EFNA5: variants seen among roughly 807,000 people sequenced by gnomAD.
EFNA5 encodes the protein ephrin A5, also known as ephrin-A5.
A neutral mutation model predicts 22.9 loss-of-function variants in EFNA5; 5 were observed. The ratio of observed to expected loss-of-function variants is 0.22; its 90% CI spans 0.11 to 0.46. The LOEUF (loss-of-function observed/expected upper bound fraction) is 0.46. Ranked by LOEUF, EFNA5 falls within the 20% of genes least tolerant of loss-of-function variation. The pLI is 0.99. For missense variants in EFNA5, 237 were observed against 293.3 expected, an observed-to-expected ratio of 0.81 and a Z score of 1.40; for synonymous variants, 113 against 112.2, an observed-to-expected ratio of 1.01 and a Z score of -0.04.
At chr5:107,552,486 G>T (rs1199123472) in intron 1 of EFNA5, among the ~76,000 whole-genome samples, 1 of 152,102 alleles carries the variant, frequency 6.6e-6, no homozygotes, top group Non-Finnish European at 1.5e-5. Context: ...GAAGAAAACT[G>T]GGAAGTGACA....
chr5:107,482,814 G>GTCTCTC (rs200778465), intron 1 of EFNA5, among the ~76,000 whole-genome samples: 1 of 73,226 alleles, frequency 1.4e-5, no homozygotes, highest in African/African-American at 4.0e-5. Context: ...CTCTCTCTCT[G>GTCTCTC]TCTCTCTCTC....
intron 4 of EFNA5, among the ~76,000 whole-genome samples, chr5:107,384,871 C>G (rs1458330795): frequency 6.7e-6 from 1 of 148,444 alleles, no homozygotes; most frequent in Non-Finnish European, 1.5e-5. Flanking sequence ...ATCTCAGCCT[C>G]TCAAATTGCT....
At chr5:107,535,831 T>C (rs1747918992) in intron 1 of EFNA5, among the ~76,000 whole-genome samples, 1 of 152,206 alleles carries the variant, frequency 6.6e-6, no homozygotes, top group Non-Finnish European at 1.5e-5. Context: ...TGATGGAACA[T>C]CAATACTGTG....
intron 1 of EFNA5, among the ~76,000 whole-genome samples, chr5:107,523,500 T>C (rs1747636404): frequency 6.6e-6 from 1 of 152,090 alleles, no homozygotes; most frequent in South Asian, 2.1e-4. Context: ...GGCCAGCAGG[T>C]GGAGAGCAGA....
intron 1 of EFNA5, among the ~76,000 whole-genome samples, chr5:107,523,600 T>C (rs1377845511): frequency 2.0e-5 from 3 of 152,224 alleles, no homozygotes; most frequent in African/African-American, 7.2e-5. Context: ...ACAACTTCAG[T>C]CTGTCCAAGA....
intron 2 of EFNA5, among the ~76,000 whole-genome samples, chr5:107,399,789 A>G (rs252812): frequency 0.84 from 128,031 of 152,190 alleles, 54,495 homozygotes; most frequent in African/African-American, 0.94. Flanking sequence ...TTTTTAAAGA[A>G]TCAAAACCAT....
chr5:107,506,210 T>C (rs980619323), intron 1 of EFNA5: 3 of 152,234 alleles, frequency 2.0e-5, no homozygotes, highest in African/African-American at 7.2e-5. Flanking sequence ...CAAGATATCT[T>C]GTACATATTC....
intron 1 of EFNA5, among the ~76,000 whole-genome samples, chr5:107,475,109 T>C (rs1455005121): frequency 6.6e-6 from 1 of 152,268 alleles, no homozygotes; most frequent in Non-Finnish European, 1.5e-5. Flanking sequence ...CTCAAGTTAC[T>C]ACTTGTGGCA....
At chr5:107,430,639 C>T (rs187557) in intron 1 of EFNA5, among the ~76,000 whole-genome samples, 113,798 of 151,978 alleles carry the variant, frequency 0.75, 44,097 homozygotes, top group Non-Finnish European at 0.84. Context: ...AACTGTGAGG[C>T]TGAAGACCCA....
chr5:107,546,782 G>A (rs1371581294), intron 1 of EFNA5, among the ~76,000 whole-genome samples: 1 of 151,850 alleles, frequency 6.6e-6, no homozygotes, highest in Non-Finnish European at 1.5e-5. Context: ...TCAACCAGCA[G>A]TTATTTTTAT....
chr5:107,532,811 A>G (rs1463970883), intron 1 of EFNA5, among the ~76,000 whole-genome samples: 1 of 152,226 alleles, frequency 6.6e-6, no homozygotes, highest in Non-Finnish European at 1.5e-5. Context: ...TTTTAAAAGA[A>G]CAGTCTAAAC....
chr5:107,632,579 T>C (rs959044417), intron 1 of EFNA5, among the ~76,000 whole-genome samples: 48 of 152,302 alleles, frequency 3.2e-4, no homozygotes, highest in Admixed American at 6.5e-4. Context: ...TGTTCTTCTC[T>C]TCATCTTTAT....
chr5:107,670,377 G>T (rs1751165636), intron 1 of EFNA5, 112 bp downstream of exon 1: 2 of 1,336,648 alleles, frequency 1.5e-6, no homozygotes, highest in African/African-American at 3.1e-5. Context: ...GGCGACGCAG[G>T]CTCCGAGGGT....
At chr5:107,517,894 A>C (rs1451664740) in intron 1 of EFNA5, among the ~76,000 whole-genome samples, 2 of 152,214 alleles carry the variant, frequency 1.3e-5, no homozygotes, top group Non-Finnish European at 2.9e-5. Context: ...GTCAGGGTCA[A>C]AGTAGAATTG....
chr5:107,624,180 G>A (rs1053681779), intron 1 of EFNA5, among the ~76,000 whole-genome samples: 1 of 152,000 alleles, frequency 6.6e-6, no homozygotes, highest in East Asian at 1.9e-4. Flanking sequence ...TAATTAAAAG[G>A]TAATATTAAC....
chr5:107,413,524 T>C (rs941875637), intron 2 of EFNA5, among the ~76,000 whole-genome samples: 3 of 152,188 alleles, frequency 2.0e-5, no homozygotes, highest in African/African-American at 4.8e-5. Context: ...ACAGGAACTA[T>C]TCATTATTCA....
intron 1 of EFNA5, among the ~76,000 whole-genome samples, chr5:107,497,421 T>C (rs1747014759): frequency 6.6e-6 from 1 of 152,122 alleles, no homozygotes; most frequent in Non-Finnish European, 1.5e-5. Context: ...GGAGAAATAA[T>C]AGTCATGTAA....
At chr5:107,458,182 C>T (rs898449872) in intron 1 of EFNA5, among the ~76,000 whole-genome samples, 7 of 152,104 alleles carry the variant, frequency 4.6e-5, no homozygotes, top group Non-Finnish European at 1.0e-4. Flanking sequence ...TCTCTGACCT[C>T]TTTACAGTTT....
At chr5:107,574,640 A>C (rs1384394791) in intron 1 of EFNA5, among the ~76,000 whole-genome samples, 2 of 152,220 alleles carry the variant, frequency 1.3e-5, no homozygotes, top group Non-Finnish European at 2.9e-5. Flanking sequence ...CTGGGCCTTA[A>C]CTAATGCTAT....
Sources: allele counts gnomAD v4.1 joint callset (sites outside exome capture counted in the v4.1 genomes callset), GRCh38; gene constraint gnomAD v4.1.1; transcripts MANE v1.5; gene names NCBI Gene and HGNC (gene_info 2026-07-23, HGNC 2026-07-21).